The following HS3ST3A1 variants were observed in gnomAD, a reference collection of about 807,000 sequenced individuals.
HS3ST3A1 encodes the protein heparan sulfate-glucosamine 3-sulfotransferase 3A1.
A neutral mutation model predicts 25.7 loss-of-function variants in HS3ST3A1; 19 were observed. The ratio of observed to expected loss-of-function variants is 0.74; its 90% CI spans 0.52 to 1.08. The LOEUF (loss-of-function observed/expected upper bound fraction) is 1.08. Ranked by LOEUF, HS3ST3A1 falls within the 50% of genes least tolerant of loss-of-function variation. The pLI, the probability that HS3ST3A1 is intolerant of heterozygous loss-of-function variation, is 0.00. For missense variants in HS3ST3A1, 459 were observed against 594.3 expected, an observed-to-expected ratio of 0.77 and a Z score of 2.37; for synonymous variants, 226 against 278.6, an observed-to-expected ratio of 0.81 and a Z score of 1.88.
intron 1 of HS3ST3A1, among the ~76,000 whole-genome samples, chr17:13,528,393 GCTCCATCTCACT>G (rs919135413): frequency 3.9e-5 from 6 of 152,190 alleles, no homozygotes; most frequent in African/African-American, 1.4e-4. Context: ...GAGCCTTTAG[GCTCCATCTCACT>G]CTCGAGCTCA....
chr17:13,597,500 T>G (rs1908608712), intron 1 of HS3ST3A1, among the ~76,000 whole-genome samples: 1 of 152,194 alleles, frequency 6.6e-6, no homozygotes, highest in Non-Finnish European at 1.5e-5. Context: ...AGGGACTGCT[T>G]TACCGTGACA....
intron 1 of HS3ST3A1, among the ~76,000 whole-genome samples, chr17:13,544,270 T>C (rs1307645145): frequency 6.6e-6 from 1 of 152,216 alleles, no homozygotes; most frequent in Non-Finnish European, 1.5e-5. Flanking sequence ...AAGTTTGCCT[T>C]ACATCATAAG....
At chr17:13,571,297 C>T (rs1216812357) in intron 1 of HS3ST3A1, among the ~76,000 whole-genome samples, 4 of 152,168 alleles carry the variant, frequency 2.6e-5, no homozygotes, top group African/African-American at 9.7e-5. Context: ...ATAACCTCTG[C>T]TGGGGACTGC....
intron 1 of HS3ST3A1, among the ~76,000 whole-genome samples, chr17:13,530,684 T>C (rs1009910344): frequency 1.3e-5 from 2 of 152,188 alleles, no homozygotes; most frequent in East Asian, 1.9e-4. Flanking sequence ...CAAAAGCTGA[T>C]AGTCCTGAAT....
At chr17:13,510,903 T>C (rs1478009690) in intron 1 of HS3ST3A1, among the ~76,000 whole-genome samples, 3 of 152,172 alleles carry the variant, frequency 2.0e-5, no homozygotes, top group African/African-American at 7.2e-5. Flanking sequence ...ACATTTTGTC[T>C]CATACAGATC....
chr17:13,592,023 C>T (rs1908439905), intron 1 of HS3ST3A1, among the ~76,000 whole-genome samples: 1 of 152,150 alleles, frequency 6.6e-6, no homozygotes, highest in African/African-American at 2.4e-5. Flanking sequence ...CACTCTACCA[C>T]ATGGGGCAGC....
intron 1 of HS3ST3A1, among the ~76,000 whole-genome samples, chr17:13,506,772 G>A (rs1206888148): frequency 6.6e-6 from 1 of 152,074 alleles, no homozygotes; most frequent in East Asian, 1.9e-4. Context: ...GTCAAAGTCA[G>A]GAGGCCGGGA....
At position 13,601,076 on chromosome 17, in the gene HS3ST3A1, G is replaced by A; in HGVS notation, c.54C>T (p.Ser18=). ...SALSTSAEPL[S]RSIFRKFLLM... Reference sequence around the variant, plus strand: ...GCAAGAACTTCCGGAAGATGCTGCGGGACAGCGGCTCGGCCGAGGTGGAGA... The same window carrying A: ...GCAAGAACTTCCGGAAGATGCTGCGAGACAGCGGCTCGGCCGAGGTGGAGA... Residue 18 remains serine (S), a synonymous_variant, in exon 1 of 2, where the codon TCC becomes TCT. Transcript: ENST00000284110. 1.3e-6 allele frequency: 2 copies of A among 1,597,508 alleles called. No homozygotes were observed. Among genetic ancestry groups the A allele is most frequent in the South Asian group, 1.1e-5 (1 of 88,280 alleles).
intron 1 of HS3ST3A1, among the ~76,000 whole-genome samples, chr17:13,524,852 GCATTTCTAACAGCTTT>G: frequency 2.0e-5 from 3 of 152,230 alleles, no homozygotes; most frequent in Admixed American, 2.0e-4. Context: ...GTCACTGCTT[GCATTTCTAACAGCTTT>G]CATGTCATAT....
chr17:13,577,500 C>A (rs1255000178), intron 1 of HS3ST3A1, among the ~76,000 whole-genome samples: 1 of 152,186 alleles, frequency 6.6e-6, no homozygotes, highest in Admixed American at 6.5e-5. Context: ...CCTCCCGGGA[C>A]AGAGGAATAA....
chr17:13,560,004 T>C (rs1245919802), intron 1 of HS3ST3A1, among the ~76,000 whole-genome samples: 2 of 151,766 alleles, frequency 1.3e-5, no homozygotes, highest in African/African-American at 4.8e-5. Context: ...AGTAAGAGTG[T>C]ATTGGCCGGG....
chr17:13,600,987 G>T lies in HS3ST3A1; in HGVS notation c.143C>A (p.Thr48Asn). ...CAGCCCCACGACGGGGCCGGACAGG[G>T]TCTGGCAGCGCTCGGCCAGGCAGTA... ...VFYCLAERCQ[T>N]LSGPVVGLSG... is the part of the protein sequence containing the mutation. The change falls in exon 1 of 2, where the codon ACC (threonine) becomes AAC (asparagine). Residue 48 changes from threonine to asparagine, a missense_variant. Thr to Asn is a moderately conservative substitution (Grantham distance 65, BLOSUM62 0). This residue lies in a region of HS3ST3A1 where 346 missense variants were observed against 303.9 expected (regional missense o/e 1.14). Coordinates refer to ENST00000284110, the MANE Select transcript of HS3ST3A1 (RefSeq NM_006042.3). The T allele has an allele frequency of 6.4e-7, 1 of 1,570,322 alleles. No individual in the cohort carries two copies. Among genetic ancestry groups the T allele is most frequent in the Non-Finnish European group, 8.6e-7 (1 of 1,158,074 alleles).
intron 1 of HS3ST3A1, among the ~76,000 whole-genome samples, chr17:13,586,600 G>C (rs1217779425): frequency 6.6e-6 from 1 of 151,836 alleles, no homozygotes; most frequent in Non-Finnish European, 1.5e-5. Context: ...GGGCGCGGTG[G>C]CTCACGCCTG....
At chr17:13,595,501 G>C (rs1317938012) in intron 1 of HS3ST3A1, among the ~76,000 whole-genome samples, 1 of 152,134 alleles carries the variant, frequency 6.6e-6, no homozygotes, top group African/African-American at 2.4e-5. Flanking sequence ...GTGCTGACAA[G>C]CATTTTTAAG....
At chr17:13,499,633 G>A (rs1905397541) in intron 1 of HS3ST3A1, among the ~76,000 whole-genome samples, 1 of 152,112 alleles carries the variant, frequency 6.6e-6, no homozygotes. Flanking sequence ...GGGAAGAGCT[G>A]TAGGAGACTT....
chr17:13,549,460 T>C (rs950548757), intron 1 of HS3ST3A1, among the ~76,000 whole-genome samples: 14 of 152,346 alleles, frequency 9.2e-5, no homozygotes, highest in African/African-American at 2.6e-4. Context: ...ATAGTTGTTA[T>C]TGCATTGCAC....
chr17:13,579,466 C>T (rs1474781518), intron 1 of HS3ST3A1, among the ~76,000 whole-genome samples: 2 of 151,750 alleles, frequency 1.3e-5, no homozygotes, highest in African/African-American at 2.4e-5. Flanking sequence ...TATAGGAGGC[C>T]GAGGTGGGCA....
rs529231267 is a variant in HS3ST3A1 at position 13,547,276 on chromosome 17, T to G, written c.600-50458A>C. ...ACAGCTCCTAAAGCCCTTGGAATTTTGGGAGTAATAAGTGCCTTTTGCAAG... is the reference window on the plus strand; with the variant it reads ...ACAGCTCCTAAAGCCCTTGGAATTTGGGGAGTAATAAGTGCCTTTTGCAAG... On this transcript the variant is annotated intron_variant, in intron 1 of 1. Coordinates refer to ENST00000284110, the MANE Select transcript of HS3ST3A1 (RefSeq NM_006042.3). 5.3e-5 allele frequency among the ~76,000 whole-genome samples: 8 copies of G among 152,240 alleles called. No individual in the cohort carries two copies. The South Asian group carries it at 1.2e-3, about 24-fold the overall frequency.
chr17:13,506,026 CAAA>C (rs35525593), intron 1 of HS3ST3A1, among the ~76,000 whole-genome samples: 7 of 66,966 alleles, frequency 1.0e-4, no homozygotes, highest in African/African-American at 2.2e-4. Flanking sequence ...GACTTCATCT[CAAA>C]AAAAAAAAAA....
Sources: gnomAD v4.1 joint callset for allele counts (sites outside exome capture counted in the v4.1 genomes callset) on GRCh38, gnomAD v4.1.1 for gene constraint, gnomAD v4.1.1 regional missense constraint, MANE v1.5 for transcripts, NCBI Gene and HGNC (gene_info 2026-07-23, HGNC 2026-07-21) for gene names.